The following PFKL variants were observed in gnomAD, a reference collection of about 807,000 sequenced individuals.
PFKL encodes phosphofructokinase, liver type.
PFKL carries 74 observed loss-of-function variants against 92.1 expected under a neutral mutation model. The observed-to-expected ratio is 0.80, with a 90% confidence interval of 0.67 to 0.97. PFKL has a LOEUF of 0.97. Among genes scored for constraint, PFKL ranks in the 50% least tolerant of loss-of-function variants. The pLI is 0.00. For missense variants in PFKL, 1,028 were observed against 1,116.6 expected (o/e 0.92, Z 1.13); for synonymous variants, 494 against 456.4 (o/e 1.08, Z -1.05).
chr21:44,314,234 G>A (rs2047136529), intron 7 of PFKL: 1 of 561,314 alleles, frequency 1.8e-6, no homozygotes, highest in African/African-American at 1.9e-5. Flanking sequence ...GTGGGCAGGA[G>A]GCGGAGAGGG....
rs567538766 is a variant in PFKL at position 44,326,213 on chromosome 21, A to C, written c.2144A>C (p.Lys715Thr). The C allele has an allele frequency of 4.3e-5, 70 of 1,613,108 alleles. No homozygotes were observed. The highest frequency in any genetic ancestry group is 1.3e-4 in the East Asian group (6 of 44,862). ...GCCTGCGTGATCGGCCTGAAGAAGA[A>C]GGCGGTGGCCTTCAGCCCCGTCACT... ...DSACVIGLKKKAVAFSPVTEL... is the reference protein window; with the variant it reads ...DSACVIGLKKTAVAFSPVTEL... Residue 715 changes from lysine (K) to threonine (T), a missense_variant, in exon 21 of 22, where the codon AAG (lysine) becomes ACG (threonine). Lys to Thr is a moderately conservative substitution (Grantham distance 78). Transcript: ENST00000349048.
chr21:44,324,023 G>T, intron 16 of PFKL, 105 bp downstream of exon 16: 1 of 1,345,730 alleles, frequency 7.4e-7, no homozygotes, highest in East Asian at 2.4e-5. Flanking sequence ...GCACCTGGGA[G>T]GGCTGCCAGG....
At chr21:44,322,091 G>A in intron 13 of PFKL, 42 bp from the exon 14 acceptor site, 1 of 1,576,270 alleles carries the variant, frequency 6.3e-7, no homozygotes, top group Non-Finnish European at 8.6e-7. Flanking sequence ...GAATTGGCCA[G>A]AGGCTCAGGC....
intron 1 of PFKL, among the ~76,000 whole-genome samples, chr21:44,304,048 G>A (rs368427514): frequency 1.7e-5 from 1 of 58,616 alleles, no homozygotes; most frequent in South Asian, 4.1e-4. Context: ...AATCCAGAAC[G>A]TGTCCCTTTC....
intron 2 of PFKL, 124 bp downstream of exon 2, chr21:44,306,878 A>G (rs2040963358): frequency 2.4e-6 from 2 of 831,678 alleles, no homozygotes; most frequent in South Asian, 3.1e-5. Context: ...GCTGATGGGT[A>G]TGTGGTCTTG....
intron 9 of PFKL, among the ~76,000 whole-genome samples, chr21:44,317,970 T>G (rs2047253175): frequency 6.6e-6 from 1 of 152,246 alleles, no homozygotes; most frequent in Non-Finnish European, 1.5e-5. Context: ...AGGCCTGGCT[T>G]TCTTGTCCAC....
chr21:44,324,601 G>A lies in PFKL; in HGVS notation c.1761G>A (p.Val587=), dbSNP rs764369728. Residue 587 remains valine (V), a synonymous_variant, in exon 17 of 22, where the codon GTG becomes GTA. Transcript: ENST00000349048. ...GYLATVTGIA[V]GADAAYVFED... ...TGGCCACCGTGACTGGCATTGCTGT[G>A]GGGGCCGACGCCGCCTACGTCTTCG... 9 of 1,612,274 alleles carry A rather than the reference G, an allele frequency of 5.6e-6. No individual in the cohort carries two copies. In the Admixed American group the frequency reaches 1.2e-4, roughly 21 times the overall value.
chr21:44,319,732 G>A, intron 11 of PFKL: 1 of 532,916 alleles, frequency 1.9e-6, no homozygotes, highest in South Asian at 2.3e-5. Context: ...GCAGATGTTG[G>A]GTGTGGGTAC....
At position 44,321,811 on chromosome 21, in the gene PFKL, G is replaced by A. The variant is rs200562964; in HGVS notation, c.1274G>A (p.Gly425Asp). 1 of 1,602,042 alleles carries A rather than the reference G, an allele frequency of 6.2e-7. No homozygotes were observed. Among genetic ancestry groups the A allele is most frequent in the East Asian group, 2.3e-5 (1 of 44,316 alleles). Residue 425 changes from glycine (G) to aspartate (D), a missense_variant, in exon 13 of 22, where the codon GGC becomes GAC. Coordinates refer to ENST00000349048, the MANE Select transcript of PFKL (RefSeq NM_002626.6). ...GCCGTGCGCTCGGCGGTGCGGACCG[G>A]CATCTCCCATGGACACACAGTATAC... ...NAAVRSAVRT[G>D]ISHGHTVYVV... is the part of the protein sequence containing the mutation.
chr21:44,309,598 G>A (rs12483015), intron 2 of PFKL, among the ~76,000 whole-genome samples: 13,725 of 152,266 alleles, frequency 0.09, 696 homozygotes, highest in African/African-American at 0.13. Flanking sequence ...CTGCCCCTCC[G>A]CCCAGTGGGG....
chr21:44,325,607 G>A (rs578142015), intron 19 of PFKL: 11 of 491,842 alleles, frequency 2.2e-5, no homozygotes, highest in South Asian at 9.8e-5. Context: ...GGAAGCCCGC[G>A]TCCTGGGGTT....
chr21:44,322,820 C>T (rs1219679185), intron 14 of PFKL, 142 bp from the exon 15 acceptor site: 4 of 553,326 alleles, frequency 7.2e-6, no homozygotes, highest in Admixed American at 5.5e-5. Flanking sequence ...CCGTGTGGAG[C>T]CACAGCGCCA....
intron 1 of PFKL, chr21:44,305,551 G>T: frequency 1.1e-6 from 1 of 873,132 alleles, no homozygotes; most frequent in Non-Finnish European, 1.6e-6. Context: ...AGGGAGGCAG[G>T]AAGAGCAGGG....
chr21:44,312,774 G>C (rs907370116), intron 4 of PFKL, among the ~76,000 whole-genome samples: 2 of 152,226 alleles, frequency 1.3e-5, no homozygotes, highest in Non-Finnish European at 2.9e-5. Flanking sequence ...GCACCCCAGA[G>C]GTCCCCCGTC....
In PFKL at chr21:44,318,570, T is replaced by G; in HGVS notation, c.1037T>G (p.Leu346Arg). 6.5e-7 allele frequency: 1 copy of G among 1,550,236 alleles called. No individual in the cohort carries two copies. Among genetic ancestry groups the G allele is most frequent in the South Asian group, 1.2e-5 (1 of 85,354 alleles). The change falls in exon 10 of 22, where the codon CTG (leucine) becomes CGG (arginine). Residue 346 changes from leucine to arginine, a missense_variant. By Grantham distance (102) the Leu-to-Arg change is moderately radical. Coordinates refer to ENST00000349048, the MANE Select transcript of PFKL (RefSeq NM_002626.6). ...CTCTCGGGGAACCAGTCAGTGCGGCTGCCCCTCATGGAGTGCGTGCAGATG... is the reference window on the plus strand; with the variant it reads ...CTCTCGGGGAACCAGTCAGTGCGGCGGCCCCTCATGGAGTGCGTGCAGATG... ...VTLSGNQSVRLPLMECVQMTK... is the reference protein window; with the variant it reads ...VTLSGNQSVRRPLMECVQMTK...
chr21:44,325,200 T>G lies in PFKL; in HGVS notation c.1925T>G (p.Leu642Arg). The stretch of plus-strand genomic sequence containing the variant: ...TACACCACGGAGTTCCTGTACAACC[T>G]GTACTCATCAGAGGGCAAGGGCGTC... ...DYYTTEFLYN[L>R]YSSEGKGVFD... is the part of the protein sequence containing the mutation. Residue 642 changes from leucine to arginine, a missense_variant, in exon 19 of 22, where the codon CTG becomes CGG. Leu to Arg is a moderately radical substitution (Grantham distance 102, BLOSUM62 -2). Coordinates refer to ENST00000349048, the MANE Select transcript of PFKL (RefSeq NM_002626.6). The G allele has an allele frequency of 6.2e-7, 1 of 1,613,168 alleles. No individual in the cohort carries two copies.
intron 10 of PFKL, 51 bp from the exon 11 acceptor site, chr21:44,319,300 G>T: frequency 1.3e-6 from 2 of 1,493,422 alleles, no homozygotes; most frequent in Non-Finnish European, 1.9e-6. Context: ...AGTAGCCATG[G>T]GTGTGCGGGC....
chr21:44,323,069 GA>G lies in PFKL; in HGVS notation c.1497+25del. 2 of 1,058,428 alleles carry G rather than the reference GA, an allele frequency of 1.9e-6. No individual in the cohort carries two copies. The highest frequency in any genetic ancestry group is 6.1e-5 in the East Asian group (1 of 16,498). 65.6% of individuals were successfully genotyped at this position (1,058,428 alleles called of 1,614,324 possible). A position where few individuals can be genotyped will look rare whatever the true frequency, so the allele number is the denominator to read the frequency against. ...TTTGAGGTGAGAGCTGCCCACGGACGAAAAAGCCCCAGGGCACAGGAGACCC... is the reference window on the plus strand; with the variant it reads ...TTTGAGGTGAGAGCTGCCCACGGACGAAAAGCCCCAGGGCACAGGAGACCC... On this transcript the variant is annotated intron_variant, in intron 15 of 21. Transcript: ENST00000349048.
chr21:44,316,013 G>A (rs562202709), intron 7 of PFKL: 35 of 560,266 alleles, frequency 6.2e-5, no homozygotes, highest in African/African-American at 5.1e-4. Context: ...CCAGGCTTTC[G>A]GGCAGAGCCC....
Sources: gnomAD v4.1 joint callset for allele counts (sites outside exome capture counted in the v4.1 genomes callset) on GRCh38, gnomAD v4.1.1 for gene constraint, MANE v1.5 for transcripts, NCBI Gene and HGNC (gene_info 2026-07-23, HGNC 2026-07-21) for gene names.